KLHL32: variants seen among roughly 807,000 people sequenced by gnomAD.
KLHL32 encodes kelch-like protein 32.
Under a neutral mutation model 64.8 loss-of-function variants are expected in KLHL32, and 35 were observed. That is an observed-to-expected ratio of 0.54 (90% CI 0.41 to 0.72). KLHL32 has a LOEUF of 0.72. Among genes scored for constraint, KLHL32 ranks in the 30% least tolerant of loss-of-function variants. The probability of loss-of-function intolerance (pLI) is 0.00; values close to 1 mark genes in which losing one functional copy is unlikely to be tolerated. For missense variants in KLHL32, 589 were observed against 768.5 expected, an observed-to-expected ratio of 0.77 and a Z score of 2.76; for synonymous variants, 259 against 281.0, an observed-to-expected ratio of 0.92 and a Z score of 0.78.
At chr6:96,940,915 C>T (rs1226735996) in intron 1 of KLHL32, among the ~76,000 whole-genome samples, 1 of 152,172 alleles carries the variant, frequency 6.6e-6, no homozygotes, top group Non-Finnish European at 1.5e-5. Flanking sequence ...GTAAGCATCA[C>T]TAACACAGGC....
At chr6:97,130,204 C>T (rs1799285136) in intron 8 of KLHL32, among the ~76,000 whole-genome samples, 1 of 152,068 alleles carries the variant, frequency 6.6e-6, no homozygotes, top group African/African-American at 2.4e-5. Flanking sequence ...TTTCTAAGTG[C>T]TTTATGTGTA....
At chr6:96,909,187 A>G in the KLHL32 span, among the ~76,000 whole-genome samples, 5 of 152,146 alleles carry the variant, frequency 3.3e-5, no homozygotes, top group Non-Finnish European at 5.9e-5. Context: ...TCAAGTGCCT[A>G]TCCTTTGGTA....
intron 1 of KLHL32, among the ~76,000 whole-genome samples, chr6:96,925,868 A>G (rs1283880928): frequency 6.6e-6 from 1 of 152,178 alleles, no homozygotes; most frequent in Non-Finnish European, 1.5e-5. Flanking sequence ...TTATTTTTAG[A>G]TCTATCTCTA....
Position 97,139,416 on chromosome 6 carries a change from G to C in KLHL32, c.*134G>C. On this transcript the variant is annotated 3_prime_UTR_variant, in exon 11 of 11. Coordinates refer to ENST00000369261, the MANE Select transcript of KLHL32 (RefSeq NM_052904.4). ...ATTCGGATAAATTTAAGCAAAAAATGAACAATTTTCTAAAATACGTTATTG... is the reference window on the plus strand; with the variant it reads ...ATTCGGATAAATTTAAGCAAAAAATCAACAATTTTCTAAAATACGTTATTG... 5 of 769,346 alleles carry C rather than the reference G, an allele frequency of 6.5e-6. No homozygotes were observed. The South Asian group carries it at 1.0e-4, about 15-fold the overall frequency. The allele number at this position is 769,346 out of a possible 1,614,324, so 47.7% of individuals were successfully genotyped here.
At chr6:97,063,597 G>A (rs1033648440) in intron 4 of KLHL32, among the ~76,000 whole-genome samples, 21 of 152,214 alleles carry the variant, frequency 1.4e-4, no homozygotes, top group Non-Finnish European at 2.4e-4. Flanking sequence ...GGAGCGTGCT[G>A]AAGTAGTAGA....
chr6:97,048,278 C>T (rs1344982864), intron 4 of KLHL32, among the ~76,000 whole-genome samples: 1 of 152,136 alleles, frequency 6.6e-6, no homozygotes, highest in African/African-American at 2.4e-5. Flanking sequence ...AGAAGGATGC[C>T]TTGGGATCTG....
At chr6:96,905,852 A>T in the KLHL32 span, among the ~76,000 whole-genome samples, 2 of 152,202 alleles carry the variant, frequency 1.3e-5, no homozygotes, top group Non-Finnish European at 2.9e-5. Context: ...ATACCCAACT[A>T]TACATATTTA....
intron 3 of KLHL32, among the ~76,000 whole-genome samples, chr6:96,990,991 A>G (rs1206109): frequency 0.23 from 35,183 of 151,216 alleles, 4,203 homozygotes; most frequent in East Asian, 0.39. Context: ...CAGACCCGTT[A>G]CTAATGGGAA....
At chr6:96,998,286 A>ATTT (rs1778634309) in intron 3 of KLHL32, among the ~76,000 whole-genome samples, 1 of 152,230 alleles carries the variant, frequency 6.6e-6, no homozygotes, top group African/African-American at 2.4e-5. Context: ...TTCTGGGCAC[A>ATTT]TACTAAGCAG....
chr6:97,006,898 C>T (rs1489500579), intron 3 of KLHL32, among the ~76,000 whole-genome samples: 1 of 152,032 alleles, frequency 6.6e-6, no homozygotes, highest in East Asian at 1.9e-4. Context: ...GTGACCAACC[C>T]CTTCTCTCTA....
intron 5 of KLHL32, among the ~76,000 whole-genome samples, chr6:97,068,594 T>C (rs17057353): frequency 0.067 from 10,230 of 152,306 alleles, 781 homozygotes; most frequent in Admixed American, 0.21. Flanking sequence ...TAGGAAACTG[T>C]TAATGTGTTC....
chr6:96,936,370 A>G lies in KLHL32; in HGVS notation c.-66+11344A>G, dbSNP rs192514226. ...CAAAGAAAGTGAAATGATTTGGCAC[A>G]TAGAACATAGTAGCATAGTTCCCTA... On this transcript the variant is annotated intron_variant, in intron 1 of 10. Transcript: ENST00000369261. 5.1e-4 allele frequency among the ~76,000 whole-genome samples: 78 copies of G among 152,344 alleles called. No individual in the cohort carries two copies. In the Middle Eastern group the frequency reaches 0.01, roughly 20 times the overall value.
At chr6:97,106,495 C>T (rs1351146354) in intron 6 of KLHL32, among the ~76,000 whole-genome samples, 2 of 152,142 alleles carry the variant, frequency 1.3e-5, no homozygotes, top group African/African-American at 2.4e-5. Flanking sequence ...GTAATCCCAG[C>T]ACTTTAGGAG....
chr6:97,107,772 T>TGATA (rs1386874801), intron 6 of KLHL32, among the ~76,000 whole-genome samples: 1 of 152,168 alleles, frequency 6.6e-6, no homozygotes, highest in Non-Finnish European at 1.5e-5. Context: ...CTGAAGCCTG[T>TGATA]GATAGATAAA....
At chr6:97,090,414 G>GT (rs1472043721) in intron 6 of KLHL32, among the ~76,000 whole-genome samples, 3 of 152,114 alleles carry the variant, frequency 2.0e-5, no homozygotes, top group East Asian at 1.9e-4. Flanking sequence ...AAATGCAGTG[G>GT]TTTTTTTGAC....
the KLHL32 span, among the ~76,000 whole-genome samples, chr6:96,918,926 T>A: frequency 6.6e-6 from 1 of 152,164 alleles, no homozygotes; most frequent in Non-Finnish European, 1.5e-5. Context: ...AAGAGCCATC[T>A]CTCCGCCTGT....
the KLHL32 span, among the ~76,000 whole-genome samples, chr6:96,911,824 CTTT>C: frequency 3.5e-4 from 19 of 54,080 alleles, no homozygotes; most frequent in South Asian, 2.5e-3. Flanking sequence ...CTCGGTCCTT[CTTT>C]TTTTTTTTTT....
chr6:96,935,357 G>C (rs1770454936), intron 1 of KLHL32, among the ~76,000 whole-genome samples: 2 of 152,194 alleles, frequency 1.3e-5, no homozygotes, highest in African/African-American at 4.8e-5. Flanking sequence ...CTTTTGACCT[G>C]AAGAATGACC....
intron 3 of KLHL32, among the ~76,000 whole-genome samples, chr6:96,981,525 T>C (rs1449228936): frequency 6.6e-6 from 1 of 152,164 alleles, no homozygotes. Flanking sequence ...TGATCTTTTA[T>C]ATGATTTTTA....
Sources: gnomAD v4.1 joint callset for allele counts (sites outside exome capture counted in the v4.1 genomes callset) on GRCh38, gnomAD v4.1.1 for gene constraint, MANE v1.5 for transcripts, NCBI Gene and HGNC (gene_info 2026-07-23, HGNC 2026-07-21) for gene names.